Variants in ATM observed in about 807,000 individuals in gnomAD.
The protein encoded by ATM is ATM serine/threonine kinase.
In ATM, 308 loss-of-function variants were observed where a neutral mutation model predicts 387.0. The observed-to-expected ratio is 0.80, with a 90% CI of 0.73 to 0.87. ATM has a LOEUF of 0.87. ATM is among the 40% of genes least tolerant of loss of function. ATM has a pLI of 0.00. For missense variants in ATM, 3,312 were observed against 3,560.9 expected (o/e 0.93, Z 1.78); for synonymous variants, 1,156 against 1,187.3 (o/e 0.97, Z 0.54).
At chr11:108,295,202 G>C in intron 32 of ATM, 143 bp downstream of exon 32, 1 of 1,082,768 alleles carries the variant, frequency 9.2e-7, no homozygotes, top group South Asian at 1.3e-5. Context: ...TCATCTAACT[G>C]TAAAACTGGT....
At position 108,301,799 on chromosome 11, in the gene ATM, G is replaced by A. The variant is rs1565477511; in HGVS notation, c.5319+10G>A. ...AACATCAAGAAAAAAGGTCTCTTAA[G>A]TAATAAATGTTTATTGAATACCCAG... On this transcript the variant is annotated intron_variant, in intron 35 of 62. Transcript: ENST00000675843. 3 of 1,612,778 alleles carry A rather than the reference G, an allele frequency of 1.9e-6. No individual in the cohort carries two copies. The highest frequency in any genetic ancestry group is 2.5e-6 in the Non-Finnish European group (3 of 1,179,200).
chr11:108,317,367 G>A lies in ATM; in HGVS notation c.6199-6G>A, dbSNP rs1555114529. The A allele has an allele frequency of 2.5e-6, 4 of 1,609,696 alleles. No individual in the cohort carries two copies. ...TTAACTTAAAAACAAAATAACTCCTGTTTAGGCCTTGCAGAATTTGGGACT... is the reference window on the plus strand; with the variant it reads ...TTAACTTAAAAACAAAATAACTCCTATTTAGGCCTTGCAGAATTTGGGACT... On this transcript the variant is annotated splice_region_variant and splice_polypyrimidine_tract_variant and intron_variant, in intron 42 of 62. Transcript: ENST00000675843.
chr11:108,297,113 G>T, intron 32 of ATM, 174 bp from the exon 33 acceptor site: 1 of 593,952 alleles, frequency 1.7e-6, no homozygotes, highest in African/African-American at 1.9e-5. Context: ...AGAATCTGTT[G>T]TATTAAGGAA....
chr11:108,223,448 A>G (rs539609641), intron 1 of ATM: 1 of 152,356 alleles, frequency 6.6e-6, no homozygotes, highest in Admixed American at 6.5e-5. Flanking sequence ...TTCAGATTTA[A>G]CTACGCGACT....
At position 108,273,848 on chromosome 11, in the gene ATM, C is replaced by G. The variant is rs117472630; in HGVS notation, c.3284+996C>G. Among the ~76,000 whole-genome samples, 623 of 152,192 alleles carry G rather than the reference C, an allele frequency of 4.1e-3. 6 individuals are homozygous for G. The South Asian group carries it at 0.046, about 11-fold the overall frequency. ...GCCTGAAATTTTCTTTTTCTTGTGT[C>G]TCTGCCAGGTTTTGGAATCAGGATG... is the stretch of plus-strand genomic sequence containing the variant. On this transcript the variant is annotated intron_variant, in intron 22 of 62. Coordinates refer to ENST00000675843, the MANE Select transcript of ATM (RefSeq NM_000051.4).
rs786203415 is a variant in ATM, at chr11:108,345,898, T to C, written c.8574T>C (p.Thr2858=). Residue 2858 remains threonine (T), a synonymous_variant, in exon 58 of 63, where the codon ACT becomes ACC. Transcript: ENST00000675843. ...KRLAYTRSVA[T]SSIVGYILGL... is the part of the protein sequence containing the mutation. ...TGGCTTATACGCGCAGTGTAGCTAC[T>C]TCTTCTATTGGTAATCTTCTTGTAC... The C allele has an allele frequency of 6.4e-5, 104 of 1,613,562 alleles. No homozygotes were observed. The highest frequency in any genetic ancestry group is 1.6e-4 in the Middle Eastern group (1 of 6,076).
Position 108,367,276 on chromosome 11 carries a change from C to T in ATM, c.*1768C>T, listed in dbSNP as rs551571814. On this transcript the variant is annotated 3_prime_UTR_variant, in exon 63 of 63. Coordinates refer to ENST00000675843, the MANE Select transcript of ATM (RefSeq NM_000051.4). ...TGCTGGGATTACAGGTGTGAGCCAC[C>T]GCGCCCGGCCTCATTCCCCTCATTT... is the stretch of plus-strand genomic sequence containing the variant. The T allele has an allele frequency of 7.8e-5, 14 of 180,594 alleles. No homozygotes were observed. The highest frequency in any genetic ancestry group is 1.9e-4 in the Admixed American group (3 of 15,920). 11.2% of individuals were successfully genotyped at this position (180,594 alleles called of 1,614,324 possible). A position where few individuals can be genotyped will look rare whatever the true frequency, so the allele number is the denominator to read the frequency against.
At chr11:108,336,937 C>T (rs2086920274) in intron 56 of ATM, among the ~76,000 whole-genome samples, 1 of 152,152 alleles carries the variant, frequency 6.6e-6, no homozygotes, top group African/African-American at 2.4e-5. Context: ...GATTTCATTC[C>T]TGTACCTCAT....
chr11:108,249,122 T>G lies in ATM; in HGVS notation c.1235+20T>G, dbSNP rs762656752. 20 of 1,612,592 alleles carry G rather than the reference T, an allele frequency of 1.2e-5. No homozygotes were observed. Among genetic ancestry groups the G allele is most frequent in the Admixed American group, 5.0e-5 (3 of 60,004 alleles). On this transcript the variant is annotated intron_variant, in intron 9 of 62. Coordinates refer to ENST00000675843, the MANE Select transcript of ATM (RefSeq NM_000051.4). Reference sequence around the variant, plus strand: ...GCCTTGGTAAAGTGTTACCATTTTCTCATTCAGTGTCATTTTAATCTCTTG... The same window carrying G: ...GCCTTGGTAAAGTGTTACCATTTTCGCATTCAGTGTCATTTTAATCTCTTG...
intron 17 of ATM, 40 bp downstream of exon 17, chr11:108,267,382 T>C (rs1043654599): frequency 1.3e-6 from 2 of 1,593,574 alleles, no homozygotes; most frequent in Non-Finnish European, 1.7e-6. Flanking sequence ...TTTTACTTCT[T>C]TATATTGATT....
At chr11:108,283,336 T>C (rs1044315702) in intron 25 of ATM, among the ~76,000 whole-genome samples, 8 of 152,360 alleles carry the variant, frequency 5.3e-5, no homozygotes, top group East Asian at 1.9e-4. Context: ...AGAAACTTAA[T>C]GTAAAACTTT....
rs2083052818 is a variant in ATM at position 108,295,126 on chromosome 11, T to G, written c.4909+67T>G. The G allele has an allele frequency of 1.9e-6, 3 of 1,589,786 alleles. No individual in the cohort carries two copies. In the Admixed American group the frequency reaches 5.0e-5, roughly 27 times the overall value. ...TTTTGAAAGAATATTTTGCAAAGTC[T>G]TGCTCTTGGTTTCATTGTCACAGAC... On this transcript the variant is annotated intron_variant, in intron 32 of 62. Transcript: ENST00000675843.
chr11:108,355,764 A>G (rs1299447368), intron 61 of ATM: 1 of 152,204 alleles, frequency 6.6e-6, no homozygotes, highest in East Asian at 1.9e-4. Context: ...AATCTCTCCT[A>G]CTGTTCAACT....
At position 108,280,982 on chromosome 11, in the gene ATM, A is replaced by AG; in HGVS notation, c.3403-13_3403-12insG. On this transcript the variant is annotated splice_polypyrimidine_tract_variant and intron_variant, in intron 23 of 62. Coordinates refer to ENST00000675843, the MANE Select transcript of ATM (RefSeq NM_000051.4). ...CATTTTACATTACATTTTTTTTTTAATTTCTTTTTAAGTCCCATAGTGCTG... is the reference window on the plus strand; with the variant it reads ...CATTTTACATTACATTTTTTTTTTAAGTTTCTTTTTAAGTCCCATAGTGCTG... 1 of 1,589,650 alleles carries AG rather than the reference A, an allele frequency of 6.3e-7. No individual in the cohort carries two copies. Among genetic ancestry groups the AG allele is most frequent in the African/African-American group, 1.4e-5 (1 of 73,168 alleles).
At chr11:108,241,512 A>G (rs898554217) in intron 5 of ATM, among the ~76,000 whole-genome samples, 1 of 152,046 alleles carries the variant, frequency 6.6e-6, no homozygotes, top group African/African-American at 2.4e-5. Flanking sequence ...TTCTTGTGCT[A>G]TGACATCACT....
chr11:108,289,925 A>C (rs1215833578), intron 29 of ATM, 124 bp downstream of exon 29: 1 of 856,476 alleles, frequency 1.2e-6, no homozygotes, highest in Non-Finnish European at 1.8e-6. Context: ...GGGTGCAGTC[A>C]CGGCTCACTG....
At chr11:108,331,346 T>C in intron 50 of ATM, 98 bp from the exon 51 acceptor site, 2 of 1,502,172 alleles carry the variant, frequency 1.3e-6, no homozygotes, top group Non-Finnish European at 1.8e-6. Context: ...CCACTTGTGC[T>C]AATAGAGGAG....
In ATM at chr11:108,365,730, C is replaced by T. The variant is rs760852487; in HGVS notation, c.*222C>T. 3.5e-5 allele frequency: 22 copies of T among 625,670 alleles called. No homozygotes were observed. Among genetic ancestry groups the T allele is most frequent in the Non-Finnish European group, 4.2e-5 (16 of 377,068 alleles). 38.8% of individuals were successfully genotyped at this position (625,670 alleles called of 1,614,324 possible). A position where few individuals can be genotyped will look rare whatever the true frequency, so the allele number is the denominator to read the frequency against. On this transcript the variant is annotated 3_prime_UTR_variant, in exon 63 of 63. Transcript: ENST00000675843. ...TCACTCTTTAGAAATAATGGTCATT[C>T]GGGCTGGGCGCAGCGGCTCACGCCT...
chr11:108,323,104 A>G (rs2085350904), intron 45 of ATM, among the ~76,000 whole-genome samples: 2 of 152,238 alleles, frequency 1.3e-5, no homozygotes, highest in Admixed American at 6.5e-5. Context: ...CCTTTATGCA[A>G]AAATAAAATT....
Sources: gnomAD v4.1 joint callset for allele counts (sites outside exome capture counted in the v4.1 genomes callset) on GRCh38, gnomAD v4.1.1 for gene constraint, MANE v1.5 for transcripts, NCBI Gene and HGNC (gene_info 2026-07-23, HGNC 2026-07-21) for gene names.